Variants in PPP1R16B observed in about 807,000 individuals in gnomAD.
PPP1R16B encodes protein phosphatase 1 regulatory inhibitor subunit 16B.
PPP1R16B carries 14 observed loss-of-function variants against 61.7 expected under a neutral mutation model. The ratio of observed to expected loss-of-function variants is 0.23; its 90% CI spans 0.15 to 0.35. PPP1R16B has a LOEUF of 0.35. Among genes scored for constraint, PPP1R16B ranks in the 10% least tolerant of loss-of-function variants. PPP1R16B has a pLI of 1.00. For missense variants in PPP1R16B, 547 were observed against 752.5 expected (o/e 0.73, Z 3.19); for synonymous variants, 266 against 305.3 (o/e 0.87, Z 1.34).
intron 2 of PPP1R16B, among the ~76,000 whole-genome samples, chr20:38,839,475 C>T (rs1263648816): frequency 1.3e-5 from 2 of 152,186 alleles, no homozygotes; most frequent in Non-Finnish European, 2.9e-5. Flanking sequence ...AAAGTCCTTT[C>T]TGTCCCTCCC....
intron 1 of PPP1R16B, among the ~76,000 whole-genome samples, chr20:38,823,818 A>G (rs2084787530): frequency 6.6e-6 from 1 of 152,190 alleles, no homozygotes; most frequent in Non-Finnish European, 1.5e-5. Flanking sequence ...AAGGGAAGTT[A>G]TGACTTTAAT....
intron 2 of PPP1R16B, among the ~76,000 whole-genome samples, chr20:38,855,419 A>G (rs2084997436): frequency 6.6e-6 from 1 of 151,542 alleles, no homozygotes; most frequent in Admixed American, 6.6e-5. Flanking sequence ...CTTGGCAGCT[A>G]ACATTTTGTC....
At chr20:38,813,911 C>G (rs755356257) in intron 1 of PPP1R16B, among the ~76,000 whole-genome samples, 1 of 151,948 alleles carries the variant, frequency 6.6e-6, no homozygotes, top group Non-Finnish European at 1.5e-5. Context: ...ATTCTCCTGC[C>G]TCAGCCTCCT....
chr20:38,896,814 G>A (rs1378525273), intron 4 of PPP1R16B, among the ~76,000 whole-genome samples: 1 of 152,118 alleles, frequency 6.6e-6, no homozygotes, highest in Non-Finnish European at 1.5e-5. Flanking sequence ...TCTACTTTCT[G>A]TCTCTATGAA....
At chr20:38,812,830 T>C (rs2084709939) in intron 1 of PPP1R16B, among the ~76,000 whole-genome samples, 2 of 152,120 alleles carry the variant, frequency 1.3e-5, no homozygotes, top group Non-Finnish European at 2.9e-5. Context: ...GATGTGCCCA[T>C]TGGTTAGAAC....
rs1568650603 is a variant in PPP1R16B, at chr20:38,813,770, T to TC, written c.-102+7978_-102+7979insC. The stretch of plus-strand genomic sequence containing the variant: ...GGGGTGACATCATCATCATCATCAT[T>TC]ATTATTATTATTATTATTATTATTA... On this transcript the variant is annotated intron_variant, in intron 1 of 10. Coordinates refer to ENST00000299824, the MANE Select transcript of PPP1R16B (RefSeq NM_015568.4). Among the ~76,000 whole-genome samples, 98 of 48,566 alleles carry TC rather than the reference T, an allele frequency of 2.0e-3. 1 individual carries two copies. The highest frequency in any genetic ancestry group is 6.8e-3 in the African/African-American group (91 of 13,328). The allele number at this position is 48,566 out of a possible 152,430, so 31.9% of individuals were successfully genotyped here.
intron 3 of PPP1R16B, among the ~76,000 whole-genome samples, chr20:38,891,757 A>C (rs897535904): frequency 6.6e-6 from 1 of 151,944 alleles, no homozygotes; most frequent in Non-Finnish European, 1.5e-5. Context: ...AGCTGAGATC[A>C]TGCCACTACC....
At chr20:38,808,994 C>T (rs1318370647) in intron 1 of PPP1R16B, among the ~76,000 whole-genome samples, 1 of 151,784 alleles carries the variant, frequency 6.6e-6, no homozygotes. Context: ...GATCACATGA[C>T]TGCACTCCAG....
At chr20:38,815,804 G>A (rs1003305020) in intron 1 of PPP1R16B, among the ~76,000 whole-genome samples, 1 of 152,174 alleles carries the variant, frequency 6.6e-6, no homozygotes, top group Non-Finnish European at 1.5e-5. Flanking sequence ...ATTGTACCTG[G>A]CCTTAGGCTT....
At chr20:38,909,147 G>A (rs990046729) in intron 10 of PPP1R16B, among the ~76,000 whole-genome samples, 7 of 151,974 alleles carry the variant, frequency 4.6e-5, no homozygotes, top group African/African-American at 1.2e-4. Context: ...GACTATAGGC[G>A]GGGGCCATCA....
intron 1 of PPP1R16B, among the ~76,000 whole-genome samples, chr20:38,814,435 G>A (rs535739860): frequency 1.3e-5 from 2 of 152,182 alleles, no homozygotes; most frequent in South Asian, 2.1e-4. Flanking sequence ...CCTTGAGTAA[G>A]TTACATGTGT....
At chr20:38,819,363 A>G (rs2084758884) in intron 1 of PPP1R16B, among the ~76,000 whole-genome samples, 1 of 152,164 alleles carries the variant, frequency 6.6e-6, no homozygotes, top group Admixed American at 6.5e-5. Flanking sequence ...AAAATATATT[A>G]CTAGCTGGGC....
intron 1 of PPP1R16B, among the ~76,000 whole-genome samples, chr20:38,814,049 G>A (rs183652894): frequency 1.4e-4 from 22 of 152,096 alleles, no homozygotes; most frequent in Non-Finnish European, 3.1e-4. Context: ...CACCCGGCTC[G>A]GCCTCCCAGG....
intron 2 of PPP1R16B, among the ~76,000 whole-genome samples, chr20:38,867,917 C>A (rs2085101218): frequency 6.6e-6 from 1 of 152,222 alleles, no homozygotes; most frequent in African/African-American, 2.4e-5. Flanking sequence ...AGGTGATCCG[C>A]CCATCTTGGC....
At chr20:38,889,688 T>C (rs775234580) in intron 3 of PPP1R16B, 23 bp downstream of exon 3, 6 of 1,546,012 alleles carry the variant, frequency 3.9e-6, no homozygotes, top group African/African-American at 2.7e-5. Flanking sequence ...TCGTTGGGGC[T>C]CCAGGGCTCC....
At chr20:38,855,933 TATATATATATAG>T (rs1298669557) in intron 2 of PPP1R16B, among the ~76,000 whole-genome samples, 4 of 48,338 alleles carry the variant, frequency 8.3e-5, no homozygotes, top group African/African-American at 2.4e-4. Flanking sequence ...TATATATATA[TATATATATATAG>T]AGAGAGAGAG....
chr20:38,838,285 A>G (rs2084885788), intron 2 of PPP1R16B: 1 of 152,428 alleles, frequency 6.6e-6, no homozygotes, highest in African/African-American at 2.4e-5. Context: ...AGGCCTAGCC[A>G]TGCTTCCTGG....
chr20:38,842,760 T>C (rs1330977531), intron 2 of PPP1R16B, among the ~76,000 whole-genome samples: 1 of 150,266 alleles, frequency 6.7e-6, no homozygotes, highest in African/African-American at 2.5e-5. Context: ...CAGCAGCTCA[T>C]CTACAGGAAC....
chr20:38,847,443 G>C (rs755013778), intron 2 of PPP1R16B, among the ~76,000 whole-genome samples: 1 of 152,018 alleles, frequency 6.6e-6, no homozygotes, highest in Non-Finnish European at 1.5e-5. Flanking sequence ...TGCAACCTCC[G>C]CCTCCTGGAT....
Sources: gnomAD v4.1 joint callset for allele counts (sites outside exome capture counted in the v4.1 genomes callset) on GRCh38, gnomAD v4.1.1 for gene constraint, MANE v1.5 for transcripts, NCBI Gene and HGNC (gene_info 2026-07-23, HGNC 2026-07-21) for gene names.